Variants in NTM observed in about 807,000 individuals in gnomAD.
NTM encodes neurotrimin.
A neutral mutation model predicts 42.1 loss-of-function variants in NTM; 13 were observed. That is an observed-to-expected ratio of 0.31 (90% confidence interval 0.20 to 0.49). The LOEUF is 0.49. Ranked by LOEUF, NTM falls within the 20% of genes least tolerant of loss-of-function variation. The probability of loss-of-function intolerance (pLI) is 0.99; values close to 1 mark genes in which losing one functional copy is unlikely to be tolerated. For missense variants in NTM, 373 were observed against 452.8 expected, an observed-to-expected ratio of 0.82 and a Z score of 1.60; for synonymous variants, 187 against 179.2, an observed-to-expected ratio of 1.04 and a Z score of -0.35.
intron 1 of NTM, among the ~76,000 whole-genome samples, chr11:131,824,362 C>T (rs941327063): frequency 2.6e-5 from 4 of 152,150 alleles, no homozygotes; most frequent in Non-Finnish European, 4.4e-5. Context: ...AAGCTCCAGA[C>T]GTAGAGCTGG....
chr11:132,149,231 C>CAAAA (rs59485155), intron 3 of NTM, among the ~76,000 whole-genome samples: 6 of 122,906 alleles, frequency 4.9e-5, no homozygotes, highest in South Asian at 2.7e-4. Context: ...TCCTGGATTA[C>CAAAA]AAAAAAAAAA....
At chr11:132,241,965 G>A (rs995508535) in intron 4 of NTM, among the ~76,000 whole-genome samples, 3 of 152,172 alleles carry the variant, frequency 2.0e-5, no homozygotes, top group Non-Finnish European at 4.4e-5. Flanking sequence ...CTCCCTCTGA[G>A]GCAAATTACT....
intron 2 of NTM, among the ~76,000 whole-genome samples, chr11:131,991,555 CAGACA>C (rs146623531): frequency 0.024 from 3,624 of 152,172 alleles, 132 homozygotes; most frequent in African/African-American, 0.08. Context: ...ATGAGAGAAA[CAGACA>C]AGACAAGTGT....
chr11:132,086,272 C>T (rs557799049), intron 2 of NTM, among the ~76,000 whole-genome samples: 25 of 141,640 alleles, frequency 1.8e-4, no homozygotes, highest in South Asian at 1.3e-3. Context: ...TGCAGTGAGC[C>T]GAGATCATGC....
In NTM at chr11:131,560,099, G is replaced by T. The variant is rs569204099; in HGVS notation, c.82+189211G>T. Among the ~76,000 whole-genome samples the T allele has an allele frequency of 3.9e-5, 6 of 152,338 alleles. No homozygotes were observed. In the South Asian group the frequency reaches 1.2e-3, roughly 32 times the overall value. On this transcript the variant is annotated intron_variant, in intron 1 of 8. Transcript: ENST00000683400. Reference sequence around the variant, plus strand: ...ACAAAGACAAAGGAGCACAATTGCTGCCCCACGTGTCTTCAGGAGATTCTG... The same window carrying T: ...ACAAAGACAAAGGAGCACAATTGCTTCCCCACGTGTCTTCAGGAGATTCTG...
intron 1 of NTM, among the ~76,000 whole-genome samples, chr11:131,807,899 T>C (rs572046405): frequency 1.4e-4 from 21 of 152,350 alleles, no homozygotes; most frequent in African/African-American, 5.0e-4. Context: ...AGATTATTAA[T>C]GATATCATGA....
chr11:131,662,707 T>C (rs1348726661), intron 1 of NTM, among the ~76,000 whole-genome samples: 4 of 152,166 alleles, frequency 2.6e-5, no homozygotes, highest in Non-Finnish European at 5.9e-5. Flanking sequence ...TAATCGCTTC[T>C]TGGTCTTGAG....
intron 7 of NTM, among the ~76,000 whole-genome samples, chr11:132,319,306 G>A (rs188203577): frequency 8.5e-4 from 129 of 152,320 alleles, no homozygotes; most frequent in Admixed American, 1.9e-3. Flanking sequence ...TGTGCGAGCC[G>A]AAGCATGGCA....
At chr11:132,262,950 G>A (rs2092957369) in intron 4 of NTM, among the ~76,000 whole-genome samples, 2 of 152,204 alleles carry the variant, frequency 1.3e-5, no homozygotes, top group Non-Finnish European at 2.9e-5. Flanking sequence ...ACAATAGTGG[G>A]ACAGGAATGG....
intron 2 of NTM, among the ~76,000 whole-genome samples, chr11:132,000,879 G>A (rs1328904579): frequency 6.6e-6 from 1 of 152,188 alleles, no homozygotes; most frequent in Non-Finnish European, 1.5e-5. Context: ...GGTAAGAAAT[G>A]ACTTTTTACT....
chr11:131,923,921 G>T (rs990513370), intron 2 of NTM, among the ~76,000 whole-genome samples: 16 of 152,204 alleles, frequency 1.1e-4, no homozygotes, highest in Non-Finnish European at 1.8e-4. Context: ...GCCTTGCTGT[G>T]CCTCAGTTTA....
At chr11:131,830,840 T>A (rs570598946) in intron 1 of NTM, among the ~76,000 whole-genome samples, 1 of 152,360 alleles carries the variant, frequency 6.6e-6, no homozygotes, top group East Asian at 1.9e-4. Context: ...CATCTTTGAT[T>A]TCTTTCAGCA....
chr11:131,675,906 C>T (rs192466609), intron 1 of NTM, among the ~76,000 whole-genome samples: 6 of 152,284 alleles, frequency 3.9e-5, no homozygotes, highest in Admixed American at 3.9e-4. Flanking sequence ...GACTTTGCTT[C>T]CAGGGGCAAG....
intron 1 of NTM, among the ~76,000 whole-genome samples, chr11:131,814,775 C>A (rs1053402754): frequency 2.0e-5 from 3 of 152,208 alleles, no homozygotes; most frequent in African/African-American, 7.2e-5. Flanking sequence ...ACCTCTGCAG[C>A]TGCTTTTCAT....
chr11:131,930,010 G>A (rs1244679697), intron 2 of NTM, among the ~76,000 whole-genome samples: 5 of 152,178 alleles, frequency 3.3e-5, no homozygotes, highest in African/African-American at 1.2e-4. Flanking sequence ...TATAATTACT[G>A]TTCATTTGGT....
rs1555127949 is a variant in NTM at position 131,789,636 on chromosome 11, A to AGAAGAG, written c.83-121928_83-121927insGAAGAG. On this transcript the variant is annotated intron_variant, in intron 1 of 8. Coordinates refer to ENST00000683400, the MANE Select transcript of NTM (RefSeq NM_001352005.2). Reference sequence around the variant, plus strand: ...AAGAAGAAGAAGAAGAAGAAGAAGAAAAGAAGAAGAAGAAGAAGAAGAAGA... The same window carrying AGAAGAG: ...AAGAAGAAGAAGAAGAAGAAGAAGAAGAAGAGAAGAAGAAGAAGAAGAAGAAGAAGA... Among the ~76,000 whole-genome samples, 31 of 30,900 alleles carry AGAAGAG rather than the reference A, an allele frequency of 1.0e-3. 10 individuals carry two copies. The highest frequency in any genetic ancestry group is 3.3e-3 in the East Asian group (3 of 898). 20.3% of individuals were successfully genotyped at this position (30,900 alleles called of 152,430 possible). A position where few individuals can be genotyped will look rare whatever the true frequency, so the allele number is the denominator to read the frequency against.
At chr11:131,552,162 C>T (rs1249740640) in intron 1 of NTM, among the ~76,000 whole-genome samples, 1 of 151,916 alleles carries the variant, frequency 6.6e-6, no homozygotes, top group Non-Finnish European at 1.5e-5. Flanking sequence ...GGGAGAGAGA[C>T]AGGGTCAGGA....
chr11:131,661,520 C>G (rs916026702), intron 1 of NTM, among the ~76,000 whole-genome samples: 4 of 152,154 alleles, frequency 2.6e-5, no homozygotes, highest in Non-Finnish European at 4.4e-5. Context: ...TAAGGTCTAT[C>G]CAACTACTGT....
intron 2 of NTM, among the ~76,000 whole-genome samples, chr11:132,064,183 C>T (rs2081101102): frequency 6.6e-6 from 1 of 152,128 alleles, no homozygotes; most frequent in Admixed American, 6.5e-5. Context: ...TGCACACTCT[C>T]TTTAAGAATC....
Sources: gnomAD v4.1 joint callset for allele counts (sites outside exome capture counted in the v4.1 genomes callset) on GRCh38, gnomAD v4.1.1 for gene constraint, MANE v1.5 for transcripts, NCBI Gene and HGNC (gene_info 2026-07-23, HGNC 2026-07-21) for gene names.